LIFR: variants seen among roughly 807,000 people sequenced by gnomAD.
The protein encoded by LIFR is leukemia inhibitory factor receptor.
In LIFR, 84 loss-of-function variants were observed where a neutral mutation model predicts 122.2. The observed-to-expected ratio is 0.69, with a 90% CI of 0.58 to 0.82. The LOEUF is 0.82. LIFR is among the 40% of genes least tolerant of loss of function. The probability of loss-of-function intolerance (pLI) is 0.00; values close to 1 mark genes in which losing one functional copy is unlikely to be tolerated. For synonymous variants in LIFR, 422 were observed against 434.7 expected, an observed-to-expected ratio of 0.97 and a Z score of 0.36; for missense variants, 1,294 against 1,311.6, an observed-to-expected ratio of 0.99 and a Z score of 0.21.
intron 6 of LIFR, 68 bp from the exon 7 acceptor site, chr5:38,510,786 T>C: frequency 1.5e-6 from 2 of 1,342,724 alleles, no homozygotes; most frequent in Admixed American, 1.9e-5. Flanking sequence ...TTCTGCATTT[T>C]AAGACTTTCT....
intron 1 of LIFR, among the ~76,000 whole-genome samples, chr5:38,567,938 T>A (rs537714798): frequency 6.6e-6 from 1 of 152,352 alleles, no homozygotes; most frequent in East Asian, 1.9e-4. Flanking sequence ...GACTGGGTAC[T>A]ATGAGTAACT....
At position 38,482,612 on chromosome 5, in the gene LIFR, G is replaced by T; in HGVS notation, c.2647C>A (p.Gln883Lys). The change falls in exon 19 of 20, where the codon CAG (glutamine) becomes AAG (lysine). Residue 883 changes from glutamine to lysine, a missense_variant. Physicochemically the swap from Gln to Lys is moderately conservative, Grantham distance 53. Coordinates refer to ENST00000453190, the MANE Select transcript of LIFR (RefSeq NM_001127671.2). ...ACCTCACAGACACTCTTTTGAAACT[G>T]TAATGCTTTACAGTTTTCTGGATTT... ...IPNPENCKALQFQKSVCEGSS... is the reference protein window; with the variant it reads ...IPNPENCKALKFQKSVCEGSS... The T allele has an allele frequency of 6.7e-7, 1 of 1,503,626 alleles. No individual in the cohort carries two copies. Among genetic ancestry groups the T allele is most frequent in the Non-Finnish European group, 9.1e-7 (1 of 1,104,028 alleles). The allele number at this position is 1,503,626 out of a possible 1,614,324, so 93.1% of individuals were successfully genotyped here.
At chr5:38,550,468 A>G (rs1299164046) in intron 1 of LIFR, among the ~76,000 whole-genome samples, 1 of 152,226 alleles carries the variant, frequency 6.6e-6, no homozygotes, top group African/African-American at 2.4e-5. Flanking sequence ...GCTAAGATGT[A>G]AAACACTGCA....
rs1402701051 is a variant in LIFR at position 38,480,546 on chromosome 5, G to A, written c.*1049C>T. ...TGTGGCATGATGAAAAGACTCATGA[G>A]TGGGAGGAACATCCACCAGAAGGTG... is the stretch of plus-strand genomic sequence containing the variant. On this transcript the variant is annotated 3_prime_UTR_variant, in exon 20 of 20. Coordinates refer to ENST00000453190, the MANE Select transcript of LIFR (RefSeq NM_001127671.2). 5.5e-5 allele frequency: 12 copies of A among 218,288 alleles called. No individual in the cohort carries two copies. In the Admixed American group the frequency reaches 6.4e-4, roughly 12 times the overall value. The allele number at this position is 218,288 out of a possible 1,614,324, so 13.5% of individuals were successfully genotyped here.
intron 1 of LIFR, chr5:38,607,764 T>C (rs1432745205): frequency 2.6e-5 from 4 of 152,214 alleles, no homozygotes; most frequent in Non-Finnish European, 5.9e-5. Context: ...TGGAACTTTC[T>C]CTCAATTTCA....
In LIFR at chr5:38,567,749, G is replaced by C. The variant is rs143581916; in HGVS notation, c.-20+27512C>G. ...TTGCCATGTTGGCCAGGCTGGTCTC[G>C]AACTCCTGACCACAGGTGATCTGCC... On this transcript the variant is annotated intron_variant, in intron 1 of 19. Coordinates refer to the LIFR transcript ENST00000263409. Among the ~76,000 whole-genome samples the C allele has an allele frequency of 2.3e-3, 354 of 152,006 alleles. 4 individuals are homozygous for C. Among genetic ancestry groups the C allele is most frequent in the African/African-American group, 8.2e-3 (339 of 41,456 alleles).
At chr5:38,551,208 G>A (rs754860985) in intron 1 of LIFR, among the ~76,000 whole-genome samples, 4 of 152,148 alleles carry the variant, frequency 2.6e-5, no homozygotes, top group Non-Finnish European at 5.9e-5. Context: ...AAACACTAAG[G>A]CATGAAGCAT....
intron 1 of LIFR, among the ~76,000 whole-genome samples, chr5:38,543,437 A>G (rs1329019831): frequency 6.6e-6 from 1 of 152,218 alleles, no homozygotes; most frequent in African/African-American, 2.4e-5. Flanking sequence ...CTGAATTGTG[A>G]GCCATTATGT....
At chr5:38,570,937 G>A (rs73079452) in intron 1 of LIFR, among the ~76,000 whole-genome samples, 5,789 of 152,086 alleles carry the variant, frequency 0.038, 334 homozygotes, top group African/African-American at 0.12. Context: ...TTATTCATTC[G>A]TTTGTGTATT....
intron 2 of LIFR, among the ~76,000 whole-genome samples, chr5:38,602,001 G>T (rs952295042): frequency 9.2e-5 from 14 of 152,166 alleles, no homozygotes; most frequent in Non-Finnish European, 1.5e-4. Flanking sequence ...TTCTCCGTGT[G>T]TGAGTCAATT....
At chr5:38,550,664 T>C (rs1363792829) in intron 1 of LIFR, among the ~76,000 whole-genome samples, 1 of 152,214 alleles carries the variant, frequency 6.6e-6, no homozygotes, top group South Asian at 2.1e-4. Flanking sequence ...TATGTGAACG[T>C]CTACTATAGA....
chr5:38,562,529 C>G (rs1161788693), intron 1 of LIFR, among the ~76,000 whole-genome samples: 1 of 152,132 alleles, frequency 6.6e-6, no homozygotes, highest in Non-Finnish European at 1.5e-5. Context: ...GCTAATGGAT[C>G]CCACAAAAAA....
At chr5:38,537,938 A>T (rs1468741266) in intron 1 of LIFR, among the ~76,000 whole-genome samples, 1 of 152,168 alleles carries the variant, frequency 6.6e-6, no homozygotes, top group Non-Finnish European at 1.5e-5. Context: ...AACTCTTACT[A>T]GATCAGATTT....
intron 1 of LIFR, among the ~76,000 whole-genome samples, chr5:38,540,065 A>C (rs1341324570): frequency 2.6e-5 from 4 of 152,114 alleles, no homozygotes. Flanking sequence ...CCATTATACT[A>C]AACTGTAAAA....
chr5:38,504,641 G>T (rs535550231), intron 9 of LIFR, among the ~76,000 whole-genome samples: 27 of 152,120 alleles, frequency 1.8e-4, no homozygotes, highest in Admixed American at 1.3e-4. Context: ...CAATAATGAA[G>T]GTACAGCGAG....
chr5:38,549,526 C>T (rs1410280005), intron 1 of LIFR, among the ~76,000 whole-genome samples: 3 of 152,218 alleles, frequency 2.0e-5, no homozygotes, highest in Non-Finnish European at 4.4e-5. Context: ...GTTACAGTGG[C>T]TAACGCCTGT....
At chr5:38,549,844 T>G (rs1748106988) in intron 1 of LIFR, among the ~76,000 whole-genome samples, 1 of 152,160 alleles carries the variant, frequency 6.6e-6, no homozygotes, top group Non-Finnish European at 1.5e-5. Flanking sequence ...AGGAGGGTTT[T>G]TTTAAATGTA....
At chr5:38,493,921 T>C (rs1223038490) in intron 13 of LIFR, 136 bp from the exon 14 acceptor site, 2 of 727,728 alleles carry the variant, frequency 2.7e-6, no homozygotes, top group Non-Finnish European at 4.7e-6. Context: ...TAGATAAACC[T>C]AGAGCAAAGA....
In LIFR at chr5:38,584,731, T is replaced by C. The variant is rs529979188; in HGVS notation, c.-20+10530A>G. On this transcript the variant is annotated intron_variant, in intron 1 of 19. Transcript: ENST00000263409. Reference sequence around the variant, plus strand: ...TGGGGAGAAAATAGGGAGATGTAGGTCAAAGGATAAAAAGTAGCAGATAAG... The same window carrying C: ...TGGGGAGAAAATAGGGAGATGTAGGCCAAAGGATAAAAAGTAGCAGATAAG... 1.4e-3 allele frequency among the ~76,000 whole-genome samples: 214 copies of C among 152,196 alleles called. 1 individual carries two copies. Among genetic ancestry groups the C allele is most frequent in the Middle Eastern group, 6.8e-3 (2 of 294 alleles).
Sources: allele counts gnomAD v4.1 joint callset (sites outside exome capture counted in the v4.1 genomes callset), GRCh38; gene constraint gnomAD v4.1.1; transcripts MANE v1.5; gene names NCBI Gene and HGNC (gene_info 2026-07-23, HGNC 2026-07-21).